The following NAALADL2 variants were observed in gnomAD, a reference collection of about 807,000 sequenced individuals.
NAALADL2 encodes inactive N-acetylated-alpha-linked acidic dipeptidase-like protein 2.
Under a neutral mutation model 87.2 loss-of-function variants are expected in NAALADL2, and 76 were observed. The ratio of observed to expected loss-of-function variants is 0.87; its 90% CI spans 0.72 to 1.05. The LOEUF (loss-of-function observed/expected upper bound fraction) is 1.05. NAALADL2 is among the 50% of genes least tolerant of loss of function. NAALADL2 has a pLI of 0.00. For missense variants in NAALADL2, 1,089 were observed against 945.8 expected, an observed-to-expected ratio of 1.15 and a Z score of -1.99; for synonymous variants, 354 against 331.0, an observed-to-expected ratio of 1.07 and a Z score of -0.75.
At chr3:174,989,983 T>G (rs1235349453) in intron 1 of NAALADL2, among the ~76,000 whole-genome samples, 1 of 152,162 alleles carries the variant, frequency 6.6e-6, no homozygotes, top group African/African-American at 2.4e-5. Flanking sequence ...TCTTCATAAG[T>G]AGCATTGGTT....
chr3:175,704,644 C>A (rs1376819375), intron 11 of NAALADL2, among the ~76,000 whole-genome samples: 1 of 152,114 alleles, frequency 6.6e-6, no homozygotes, highest in Non-Finnish European at 1.5e-5. Flanking sequence ...AGAGTCTTTC[C>A]ACATACAAAC....
chr3:175,044,453 T>A (rs761331651), intron 1 of NAALADL2, among the ~76,000 whole-genome samples: 6 of 152,192 alleles, frequency 3.9e-5, no homozygotes, highest in Non-Finnish European at 8.8e-5. Context: ...ATTTATTGTC[T>A]TTCCATCTCA....
At position 174,908,021 on chromosome 3, in the gene NAALADL2, G is replaced by GTTTTTT. The variant is rs35051279; in HGVS notation, c.43+48589_43+48594dup. Among the ~76,000 whole-genome samples the GTTTTTT allele has an allele frequency of 1.1e-4, 9 of 82,564 alleles. 1 individual carries two copies. The highest frequency in any genetic ancestry group is 4.0e-4 in the East Asian group (1 of 2,474). The allele number at this position is 82,564 out of a possible 152,430, so 54.2% of individuals were successfully genotyped here. On this transcript the variant is annotated intron_variant, in intron 1 of 13. Coordinates refer to ENST00000454872, the MANE Select transcript of NAALADL2 (RefSeq NM_207015.3). The stretch of plus-strand genomic sequence containing the variant: ...ATCTCTTTTCGAAAGAGAGAAGTTG[G>GTTTTTT]TTTTTTTTTTTTTTTTTTTTTTTGG...
rs140398889 is a variant in NAALADL2 at position 175,687,653 on chromosome 3, T to G, written c.1897-49653T>G. ...ATAGAACTGATAAAGTTTCAGTGTTTGTCCCCTCCAAATCTCATGTTGAAA... is the reference window on the plus strand; with the variant it reads ...ATAGAACTGATAAAGTTTCAGTGTTGGTCCCCTCCAAATCTCATGTTGAAA... On this transcript the variant is annotated intron_variant, in intron 11 of 13. Coordinates refer to ENST00000454872, the MANE Select transcript of NAALADL2 (RefSeq NM_207015.3). Among the ~76,000 whole-genome samples the G allele has an allele frequency of 9.8e-4, 150 of 152,294 alleles. 1 individual carries two copies. The highest frequency in any genetic ancestry group is 3.4e-3 in the African/African-American group (142 of 41,560).
At chr3:174,784,015 C>G (rs1716304740) in intron 3 of NAALADL2, among the ~76,000 whole-genome samples, 2 of 151,960 alleles carry the variant, frequency 1.3e-5, no homozygotes, top group Admixed American at 1.3e-4. Flanking sequence ...TCCAATAGTT[C>G]CCAAAGAAAG....
chr3:174,816,411 T>TGC (rs1172987291), intron 3 of NAALADL2, among the ~76,000 whole-genome samples: 6 of 100,992 alleles, frequency 5.9e-5, no homozygotes, highest in Admixed American at 1.7e-4. Flanking sequence ...TGTATGTGTG[T>TGC]GCGTGTGTGT....
At chr3:175,559,821 T>A (rs1005616170) in intron 9 of NAALADL2, among the ~76,000 whole-genome samples, 2 of 152,236 alleles carry the variant, frequency 1.3e-5, no homozygotes, top group Admixed American at 6.5e-5. Flanking sequence ...TTTTACTGTG[T>A]TGAATGTTAT....
intron 3 of NAALADL2, among the ~76,000 whole-genome samples, chr3:174,756,291 A>G (rs375992267): frequency 3.5e-4 from 54 of 152,268 alleles, no homozygotes; most frequent in African/African-American, 1.3e-3. Flanking sequence ...AAATTAACCA[A>G]CCAGTATTCA....
At chr3:175,723,076 A>C (rs184773753) in intron 11 of NAALADL2, among the ~76,000 whole-genome samples, 2 of 152,118 alleles carry the variant, frequency 1.3e-5, no homozygotes, top group African/African-American at 4.8e-5. Flanking sequence ...GGTTCTGCTG[A>C]GCCCCAGCGT....
chr3:174,687,490 C>T, intron 2 of NAALADL2, among the ~76,000 whole-genome samples: 1 of 151,568 alleles, frequency 6.6e-6, no homozygotes, highest in South Asian at 2.1e-4. Flanking sequence ...CTAGGGGATC[C>T]AAGAAAAAAA....
chr3:175,071,892 AGTATTAACTCTCTG>A (rs1715712888), intron 1 of NAALADL2, among the ~76,000 whole-genome samples: 1 of 152,082 alleles, frequency 6.6e-6, no homozygotes, highest in Admixed American at 6.6e-5. Flanking sequence ...CCAGAGTTTC[AGTATTAACTCTCTG>A]GTATTTTTTT....
At chr3:174,839,696 G>A (rs530997422) in intron 3 of NAALADL2, among the ~76,000 whole-genome samples, 1 of 151,932 alleles carries the variant, frequency 6.6e-6, no homozygotes, top group East Asian at 1.9e-4. Context: ...GACATGAATA[G>A]ACAATTCTCA....
intron 1 of NAALADL2, among the ~76,000 whole-genome samples, chr3:175,016,439 A>G (rs1043923317): frequency 6.6e-5 from 10 of 151,462 alleles, no homozygotes; most frequent in African/African-American, 2.4e-4. Flanking sequence ...AATACACACC[A>G]TAAGATTCCA....
intron 3 of NAALADL2, among the ~76,000 whole-genome samples, chr3:174,761,851 C>G (rs112114100): frequency 0.12 from 17,588 of 149,944 alleles, 1,142 homozygotes; most frequent in Middle Eastern, 0.17. Context: ...TGAGTGAGAA[C>G]ATGCGGTGTT....
Position 175,139,445 on chromosome 3 carries a change from T to C in NAALADL2, c.545+42154T>C, listed in dbSNP as rs529721086. ...AATTGCAAAAGTCATTATTATCATA[T>C]AAGAATAAGGGACAATACATTTCTA... On this transcript the variant is annotated intron_variant, in intron 2 of 13. Coordinates refer to ENST00000454872, the MANE Select transcript of NAALADL2 (RefSeq NM_207015.3). Among the ~76,000 whole-genome samples, 8 of 152,272 alleles carry C rather than the reference T, an allele frequency of 5.3e-5. No homozygotes were observed. The South Asian group carries it at 1.4e-3, about 28-fold the overall frequency.
At chr3:175,429,717 A>G (rs543127983) in intron 5 of NAALADL2, among the ~76,000 whole-genome samples, 17 of 152,176 alleles carry the variant, frequency 1.1e-4, no homozygotes, top group Non-Finnish European at 2.4e-4. Flanking sequence ...GATTCGTCTA[A>G]GTATATTAGA....
chr3:175,111,188 C>A (rs779452973), intron 2 of NAALADL2, among the ~76,000 whole-genome samples: 2 of 151,560 alleles, frequency 1.3e-5, no homozygotes, highest in Non-Finnish European at 3.0e-5. Context: ...CTTTGCTCTA[C>A]GGAATATTTA....
chr3:174,749,768 A>G (rs988275777), intron 3 of NAALADL2, among the ~76,000 whole-genome samples: 6 of 152,196 alleles, frequency 3.9e-5, no homozygotes, highest in African/African-American at 1.4e-4. Flanking sequence ...AGCTTTAGAT[A>G]TAATTGGCAC....
intron 2 of NAALADL2, among the ~76,000 whole-genome samples, chr3:174,727,759 C>G (rs1732339127): frequency 1.3e-5 from 2 of 152,078 alleles, no homozygotes; most frequent in African/African-American, 4.8e-5. Flanking sequence ...CATTTGGGTT[C>G]ACACTTTGTG....
Sources: allele counts gnomAD v4.1 joint callset (sites outside exome capture counted in the v4.1 genomes callset), GRCh38; gene constraint gnomAD v4.1.1; transcripts MANE v1.5; gene names NCBI Gene and HGNC (gene_info 2026-07-23, HGNC 2026-07-21).